The following JARID2 variants were observed in gnomAD, a reference collection of about 807,000 sequenced individuals.
JARID2 encodes jumonji and AT-rich interaction domain containing 2, also known as protein Jumonji.
A neutral mutation model predicts 125.6 loss-of-function variants in JARID2; 21 were observed. The observed-to-expected ratio is 0.17, with a 90% CI of 0.12 to 0.24. The LOEUF (loss-of-function observed/expected upper bound fraction) is 0.24, where lower values mean the gene tolerates loss of function less well. JARID2 is among the 10% of genes least tolerant of loss of function. The probability of loss-of-function intolerance (pLI) is 1.00; values close to 1 mark genes in which losing one functional copy is unlikely to be tolerated. For synonymous variants in JARID2, 736 were observed against 661.6 expected, an observed-to-expected ratio of 1.11 and a Z score of -1.73; for missense variants, 1,303 against 1,639.6, an observed-to-expected ratio of 0.79 and a Z score of 3.55.
intron 1 of JARID2, among the ~76,000 whole-genome samples, chr6:15,256,240 T>C (rs1386993453): frequency 6.6e-6 from 1 of 152,166 alleles, no homozygotes; most frequent in Non-Finnish European, 1.5e-5. Flanking sequence ...ACTTTGATTC[T>C]TAATAAAGCA....
In JARID2 at chr6:15,487,334, G is replaced by A. The variant is rs556898531; in HGVS notation, c.698G>A (p.Arg233Gln). ...TTCAATGGTTCCAGCAGGTCAACAC[G>A]GGAGAAGGAACCTGTTCAAAAACAC... is the stretch of plus-strand genomic sequence containing the variant. Reference protein sequence around the residue: ...HVFNGSSRSTREKEPVQKHKS... With the variant: ...HVFNGSSRSTQEKEPVQKHKS... The change falls in exon 6 of 18, where the codon CGG (arginine) becomes CAG (glutamine). Residue 233 changes from arginine to glutamine, a missense_variant. Around this residue, in one of 11 missense-constraint regions of JARID2, gnomAD observed 651 missense variants for 581.6 expected, o/e 1.12. Coordinates refer to ENST00000341776, the MANE Select transcript of JARID2 (RefSeq NM_004973.4). The A allele has an allele frequency of 3.7e-6, 6 of 1,614,130 alleles. No individual in the cohort carries two copies. The highest frequency in any genetic ancestry group is 2.2e-5 in the South Asian group (2 of 91,066).
chr6:15,328,254 G>A (rs1036252757), intron 1 of JARID2, among the ~76,000 whole-genome samples: 1 of 152,170 alleles, frequency 6.6e-6, no homozygotes, highest in African/African-American at 2.4e-5. Context: ...GGTAGCGATA[G>A]AGCTTGTGAA....
intron 3 of JARID2, among the ~76,000 whole-genome samples, chr6:15,418,854 T>C (rs947704089): frequency 6.6e-6 from 1 of 152,216 alleles, no homozygotes; most frequent in Admixed American, 6.5e-5. Context: ...TTAACAGGTA[T>C]GATATTCACA....
chr6:15,286,505 C>T (rs1232580652), intron 1 of JARID2, among the ~76,000 whole-genome samples: 2 of 151,626 alleles, frequency 1.3e-5, no homozygotes, highest in Non-Finnish European at 2.9e-5. Context: ...CCGCCTTGGC[C>T]TCCCAAAGTG....
At chr6:15,457,497 C>G (rs1345699606) in intron 4 of JARID2, among the ~76,000 whole-genome samples, 1 of 151,758 alleles carries the variant, frequency 6.6e-6, no homozygotes, top group East Asian at 1.9e-4. Flanking sequence ...AGAAGGCAGT[C>G]TTTAATATGC....
rs1766238108 is a variant in JARID2 at position 15,416,684 on chromosome 6, G to GAGGGAGAGGGAGACCGT, written c.323+6320_323+6336dup. ...GCATCAGTGGGAGACCGTGGAAAGA[G>GAGGGAGAGGGAGACCGT]AGGGAGAGGGAGACCGTGGGGAGAG... On this transcript the variant is annotated intron_variant, in intron 3 of 17. Transcript: ENST00000341776. Among the ~76,000 whole-genome samples the GAGGGAGAGGGAGACCGT allele has an allele frequency of 2.1e-5, 3 of 141,626 alleles. No homozygotes were observed. The South Asian group carries it at 6.4e-4, about 30-fold the overall frequency. The allele number at this position is 141,626 out of a possible 152,430, so 92.9% of individuals were successfully genotyped here.
chr6:15,404,935 T>A (rs1164928739), intron 2 of JARID2, among the ~76,000 whole-genome samples: 2 of 152,230 alleles, frequency 1.3e-5, no homozygotes, highest in Admixed American at 1.3e-4. Flanking sequence ...TAAAACTTCT[T>A]TGTGTCTAAA....
intron 1 of JARID2, among the ~76,000 whole-genome samples, chr6:15,364,209 G>C (rs1004478163): frequency 3.9e-5 from 6 of 152,240 alleles, no homozygotes; most frequent in Non-Finnish European, 7.4e-5. Flanking sequence ...CCTGGGTCCT[G>C]GTGGAAGAAA....
chr6:15,281,329 G>T (rs975365717), intron 1 of JARID2, among the ~76,000 whole-genome samples: 4 of 152,230 alleles, frequency 2.6e-5, no homozygotes. Flanking sequence ...TTCATGTGAT[G>T]CTATTAAGAT....
intron 1 of JARID2, among the ~76,000 whole-genome samples, chr6:15,284,002 C>T (rs1032155852): frequency 6.6e-6 from 1 of 152,188 alleles, no homozygotes; most frequent in Non-Finnish European, 1.5e-5. Context: ...CCACTGCATC[C>T]AGCCTCCTTT....
intron 1 of JARID2, among the ~76,000 whole-genome samples, chr6:15,365,891 A>C (rs930171025): frequency 1.3e-5 from 2 of 151,912 alleles, no homozygotes; most frequent in Non-Finnish European, 2.9e-5. Flanking sequence ...CTCAGGCTTC[A>C]CTTTATTTGA....
chr6:15,309,275 G>A (rs566787354), intron 1 of JARID2, among the ~76,000 whole-genome samples: 1 of 152,076 alleles, frequency 6.6e-6, no homozygotes, highest in South Asian at 2.1e-4. Flanking sequence ...GGTTTCAGGT[G>A]CCTCATTATT....
chr6:15,309,339 G>T (rs1761939240), intron 1 of JARID2, among the ~76,000 whole-genome samples: 1 of 151,848 alleles, frequency 6.6e-6, no homozygotes, highest in Admixed American at 6.6e-5. Context: ...CATGTTTTAA[G>T]CATCTAGTAT....
chr6:15,318,207 G>A (rs542946769), intron 1 of JARID2, among the ~76,000 whole-genome samples: 9 of 150,976 alleles, frequency 6.0e-5, no homozygotes, highest in African/African-American at 2.2e-4. Context: ...GCAAAACTCC[G>A]TTTCCAAAAA....
At chr6:15,249,703 T>G (rs1759364511) in intron 1 of JARID2, among the ~76,000 whole-genome samples, 1 of 152,170 alleles carries the variant, frequency 6.6e-6, no homozygotes, top group Admixed American at 6.5e-5. Flanking sequence ...TGAGTTGCCA[T>G]TTAGTTTATT....
intron 1 of JARID2, among the ~76,000 whole-genome samples, chr6:15,276,697 T>C (rs1282446360): frequency 6.6e-6 from 1 of 152,162 alleles, no homozygotes; most frequent in Non-Finnish European, 1.5e-5. Context: ...GACTCCTTTT[T>C]GTTATGGAAA....
intron 1 of JARID2, among the ~76,000 whole-genome samples, chr6:15,257,045 G>A (rs1031784853): frequency 2.0e-5 from 3 of 152,158 alleles, no homozygotes; most frequent in Admixed American, 2.0e-4. Context: ...CTGTTGTAAA[G>A]TGACCTGCTT....
At chr6:15,425,585 T>C (rs1190563470) in intron 3 of JARID2, among the ~76,000 whole-genome samples, 1 of 152,184 alleles carries the variant, frequency 6.6e-6, no homozygotes, top group African/African-American at 2.4e-5. Flanking sequence ...GGATTCCTTA[T>C]AGAAGGACAA....
intron 8 of JARID2, 117 bp from the exon 9 acceptor site, chr6:15,504,383 G>C: frequency 1.4e-6 from 1 of 717,224 alleles, no homozygotes; most frequent in Non-Finnish European, 2.5e-6. Context: ...CAGAATACAA[G>C]GTGGCCCACA....
Sources: gnomAD v4.1 joint callset for allele counts (sites outside exome capture counted in the v4.1 genomes callset) on GRCh38, gnomAD v4.1.1 for gene constraint, gnomAD v4.1.1 regional missense constraint, MANE v1.5 for transcripts, NCBI Gene and HGNC (gene_info 2026-07-23, HGNC 2026-07-21) for gene names.